The following SCUBE1 variants were observed in gnomAD, a reference collection of about 807,000 sequenced individuals.
SCUBE1 encodes signal peptide, CUB and EGF-like domain-containing protein 1.
Under a neutral mutation model 124.4 loss-of-function variants are expected in SCUBE1, and 59 were observed. The observed-to-expected ratio is 0.47, with a 90% CI of 0.38 to 0.59. The LOEUF is 0.59. Ranked by LOEUF, SCUBE1 falls within the 20% of genes least tolerant of loss-of-function variation. The pLI, the probability that SCUBE1 is intolerant of heterozygous loss-of-function variation, is 0.00. For synonymous variants in SCUBE1, 545 were observed against 550.9 expected, an observed-to-expected ratio of 0.99 and a Z score of 0.15; for missense variants, 1,150 against 1,371.2, an observed-to-expected ratio of 0.84 and a Z score of 2.55.
rs780169535 is a variant in SCUBE1, at chr22:43,202,214, C to T, written c.*1783G>A. On this transcript the variant is annotated 3_prime_UTR_variant, in exon 22 of 22. Coordinates refer to ENST00000360835, the MANE Select transcript of SCUBE1 (RefSeq NM_173050.5). ...TAGAATATGTGATCACGGCCTACCT[C>T]GTCACCAAGCCCTGAACCTCCAGGG... is the stretch of plus-strand genomic sequence containing the variant. The T allele has an allele frequency of 7.9e-5, 12 of 152,258 alleles. No homozygotes were observed. The highest frequency in any genetic ancestry group is 1.0e-4 in the Non-Finnish European group (7 of 68,066). 9.4% of individuals were successfully genotyped at this position (152,258 alleles called of 1,614,324 possible). A position where few individuals can be genotyped will look rare whatever the true frequency, so the allele number is the denominator to read the frequency against.
intron 6 of SCUBE1, among the ~76,000 whole-genome samples, chr22:43,250,930 G>A (rs147775628): frequency 9.8e-4 from 150 of 152,326 alleles, no homozygotes; most frequent in Non-Finnish European, 1.6e-3. Context: ...CTGGGGCCCC[G>A]GACTTGGGAG....
intron 2 of SCUBE1, among the ~76,000 whole-genome samples, chr22:43,332,530 G>A (rs1380124181): frequency 1.3e-5 from 2 of 152,134 alleles, no homozygotes; most frequent in African/African-American, 4.8e-5. Flanking sequence ...GCTGATGGGG[G>A]CCTGGCCTGA....
chr22:43,233,708 G>C (rs892078751), intron 7 of SCUBE1: 3 of 152,232 alleles, frequency 2.0e-5, no homozygotes, highest in African/African-American at 7.2e-5. Context: ...CCTCAGGCCG[G>C]CCCATGTCGC....
chr22:43,204,682 C>T (rs1921147432), intron 21 of SCUBE1, among the ~76,000 whole-genome samples: 1 of 152,010 alleles, frequency 6.6e-6, no homozygotes, highest in Non-Finnish European at 1.5e-5. Flanking sequence ...TGGTGGCTCA[C>T]ACCTGTAATC....
chr22:43,336,486 G>A (rs1168330498), intron 2 of SCUBE1, among the ~76,000 whole-genome samples: 1 of 152,218 alleles, frequency 6.6e-6, no homozygotes, highest in African/African-American at 2.4e-5. Context: ...GCCCTGCCCC[G>A]TGAGCTGGGA....
intron 2 of SCUBE1, among the ~76,000 whole-genome samples, chr22:43,327,126 G>A (rs1049987240): frequency 7.9e-5 from 12 of 152,134 alleles, no homozygotes; most frequent in African/African-American, 2.7e-4. Context: ...CTTGCTGACC[G>A]ACTCTCATGA....
intron 4 of SCUBE1, among the ~76,000 whole-genome samples, chr22:43,290,627 A>T (rs1418611978): frequency 2.0e-5 from 3 of 152,236 alleles, no homozygotes; most frequent in African/African-American, 7.2e-5. Flanking sequence ...CCCAATGAAC[A>T]TGCAGCAGGG....
At chr22:43,292,650 A>G (rs1212865754) in intron 3 of SCUBE1, among the ~76,000 whole-genome samples, 1 of 151,278 alleles carries the variant, frequency 6.6e-6, no homozygotes, top group Non-Finnish European at 1.5e-5. Context: ...ATCTTTTACT[A>G]TTGGAACCAA....
chr22:43,231,638 G>A (rs995269143), intron 8 of SCUBE1, 115 bp downstream of exon 8: 169 of 1,319,634 alleles, frequency 1.3e-4, no homozygotes, highest in Middle Eastern at 2.6e-4. Flanking sequence ...CCATTCCCTC[G>A]GGCCCAGCCC....
chr22:43,212,692 GA>G, intron 16 of SCUBE1, 100 bp from the exon 17 acceptor site: 3 of 982,188 alleles, frequency 3.1e-6, no homozygotes, highest in Non-Finnish European at 4.2e-6. Context: ...CCCGGCCCTG[GA>G]AAAGGTACTG....
intron 3 of SCUBE1, among the ~76,000 whole-genome samples, chr22:43,305,577 T>C (rs1211602481): frequency 4.6e-5 from 7 of 152,096 alleles, no homozygotes. Context: ...GCTTAATATT[T>C]AGTTTGCTGG....
intron 6 of SCUBE1, among the ~76,000 whole-genome samples, chr22:43,251,656 A>G (rs1923454131): frequency 6.6e-6 from 1 of 152,150 alleles, no homozygotes; most frequent in Non-Finnish European, 1.5e-5. Flanking sequence ...GAAGCTGGAA[A>G]GGCAAGGAAG....
chr22:43,213,277 C>T (rs970370027), intron 16 of SCUBE1: 1 of 152,426 alleles, frequency 6.6e-6, no homozygotes, highest in Non-Finnish European at 1.5e-5. Flanking sequence ...GCCACTCCCC[C>T]AGGGGTGGAG....
At chr22:43,214,051 A>AC (rs1214200154) in intron 16 of SCUBE1, 39 bp downstream of exon 16, 7 of 145,008 alleles carry the variant, frequency 4.8e-5, no homozygotes, top group South Asian at 9.3e-5. Flanking sequence ...GCCCCCGCCC[A>AC]CCCCCCACCC....
intron 3 of SCUBE1, among the ~76,000 whole-genome samples, chr22:43,319,010 C>A (rs1424720901): frequency 6.6e-6 from 1 of 152,150 alleles, no homozygotes; most frequent in African/African-American, 2.4e-5. Flanking sequence ...GTGTGAGCCA[C>A]CACACCCGAC....
intron 4 of SCUBE1, among the ~76,000 whole-genome samples, chr22:43,273,825 G>A (rs1299889830): frequency 6.6e-6 from 1 of 151,888 alleles, no homozygotes; most frequent in Non-Finnish European, 1.5e-5. Flanking sequence ...CTCCCACCTC[G>A]GCCTCCCAAA....
At chr22:43,294,769 G>C (rs1244766272) in intron 3 of SCUBE1, among the ~76,000 whole-genome samples, 1 of 152,200 alleles carries the variant, frequency 6.6e-6, no homozygotes. Context: ...GGAACTGACT[G>C]TCAGTGCATG....
At chr22:43,314,884 G>C (rs1439370896) in intron 3 of SCUBE1, among the ~76,000 whole-genome samples, 2 of 152,150 alleles carry the variant, frequency 1.3e-5, no homozygotes, top group African/African-American at 4.8e-5. Flanking sequence ...AGTCATTCTT[G>C]TTTGGGAGCT....
rs551775876 is a variant in SCUBE1 at position 43,266,728 on chromosome 22, C to T, written c.485-3883G>A. ...GGAGCAGACGTTTCCTGGGGGGAAC[C>T]GATTTGGGAACCTGGTGCAGAGTGG... On this transcript the variant is annotated intron_variant, in intron 4 of 21. Transcript: ENST00000360835. 3.3e-5 allele frequency among the ~76,000 whole-genome samples: 5 copies of T among 152,242 alleles called. No homozygotes were observed. In the South Asian group the frequency reaches 6.2e-4, roughly 19 times the overall value.
Sources: gnomAD v4.1 joint callset for allele counts (sites outside exome capture counted in the v4.1 genomes callset) on GRCh38, gnomAD v4.1.1 for gene constraint, MANE v1.5 for transcripts, NCBI Gene and HGNC (gene_info 2026-07-23, HGNC 2026-07-21) for gene names.